NTM: variants seen among roughly 807,000 people sequenced by gnomAD.
NTM encodes neurotrimin.
NTM carries 13 observed loss-of-function variants against 42.1 expected under a neutral mutation model. The ratio of observed to expected loss-of-function variants is 0.31; its 90% confidence interval spans 0.20 to 0.49. The LOEUF (loss-of-function observed/expected upper bound fraction) is 0.49, where lower values mean the gene tolerates loss of function less well. NTM is among the 20% of genes least tolerant of loss of function. NTM has a pLI of 0.99. For missense variants in NTM, 373 were observed against 452.8 expected (o/e 0.82, Z 1.60); for synonymous variants, 187 against 179.2 (o/e 1.04, Z -0.35).
chr11:131,662,353 C>T (rs2068227617), intron 1 of NTM: 1 of 152,242 alleles, frequency 6.6e-6, no homozygotes, highest in Admixed American at 6.5e-5. Context: ...TCCGAAGACA[C>T]TGTGACTCAT....
chr11:132,214,218 A>G (rs1007499522), intron 4 of NTM, among the ~76,000 whole-genome samples: 2 of 152,224 alleles, frequency 1.3e-5, no homozygotes, highest in Non-Finnish European at 2.9e-5. Context: ...AGGAGGGGCC[A>G]TTCAGACAGG....
intron 1 of NTM, among the ~76,000 whole-genome samples, chr11:131,724,329 C>G (rs1432343476): frequency 6.6e-6 from 1 of 152,134 alleles, no homozygotes; most frequent in Non-Finnish European, 1.5e-5. Context: ...AAATGAAAGG[C>G]TTTGAATCAC....
chr11:131,800,833 G>A (rs781411094), intron 1 of NTM, among the ~76,000 whole-genome samples: 8 of 152,168 alleles, frequency 5.3e-5, no homozygotes, highest in Non-Finnish European at 1.2e-4. Context: ...ATTTAGGGGT[G>A]AGCTTGTGTC....
intron 1 of NTM, among the ~76,000 whole-genome samples, chr11:131,814,417 T>C (rs562517256): frequency 6.4e-4 from 97 of 152,296 alleles, no homozygotes; most frequent in Non-Finnish European, 1.3e-3. Flanking sequence ...CCAGATTGTG[T>C]GTCCACACAA....
At chr11:131,489,657 T>A (rs896672044) in intron 1 of NTM, among the ~76,000 whole-genome samples, 3 of 152,218 alleles carry the variant, frequency 2.0e-5, no homozygotes, top group Non-Finnish European at 1.5e-5. Context: ...AAAACTATGC[T>A]GGGGGCCCTT....
intron 4 of NTM, among the ~76,000 whole-genome samples, chr11:132,242,386 C>A (rs1316148218): frequency 6.6e-6 from 1 of 151,934 alleles, no homozygotes; most frequent in Non-Finnish European, 1.5e-5. Flanking sequence ...AAAAATGTTA[C>A]ATTTAGGGGA....
chr11:131,708,198 C>A (rs1450142324), intron 1 of NTM, among the ~76,000 whole-genome samples: 1 of 151,840 alleles, frequency 6.6e-6, no homozygotes, highest in East Asian at 1.9e-4. Flanking sequence ...CCGTTAATAC[C>A]CTTATATATA....
intron 1 of NTM, among the ~76,000 whole-genome samples, chr11:131,524,023 C>T (rs1295513082): frequency 6.6e-6 from 1 of 152,066 alleles, no homozygotes; most frequent in African/African-American, 2.4e-5. Context: ...GGGTAGTGTG[C>T]CTTTGGTCTA....
intron 1 of NTM, chr11:131,910,988 C>A (rs2054795909): frequency 5.0e-6 from 5 of 997,988 alleles, no homozygotes; most frequent in Non-Finnish European, 6.0e-6. Context: ...TTTCCGGTGG[C>A]GAGCCCGGCT....
At chr11:131,862,294 G>A (rs1291186186) in intron 1 of NTM, among the ~76,000 whole-genome samples, 2 of 152,286 alleles carry the variant, frequency 1.3e-5, no homozygotes, top group South Asian at 2.1e-4. Context: ...CCGACTTAAA[G>A]AAGTAATTTT....
intron 4 of NTM, among the ~76,000 whole-genome samples, chr11:132,289,095 T>A (rs2094360012): frequency 6.6e-6 from 1 of 152,234 alleles, no homozygotes; most frequent in South Asian, 2.1e-4. Context: ...GTTTTAAAAG[T>A]GTTCACCTTT....
At chr11:131,428,195 G>C (rs1193720582) in intron 1 of NTM, among the ~76,000 whole-genome samples, 1 of 152,164 alleles carries the variant, frequency 6.6e-6, no homozygotes, top group Non-Finnish European at 1.5e-5. Context: ...GGGATCGATA[G>C]CATCTCAACC....
intron 3 of NTM, among the ~76,000 whole-genome samples, chr11:132,189,301 A>G (rs913736656): frequency 6.6e-6 from 1 of 152,212 alleles, no homozygotes; most frequent in Non-Finnish European, 1.5e-5. Context: ...TTTTTAACCA[A>G]TACTTCAACT....
At chr11:131,535,911 T>C (rs754985615) in intron 1 of NTM, 6 of 152,212 alleles carry the variant, frequency 3.9e-5, no homozygotes, top group South Asian at 2.1e-4. Flanking sequence ...AGGTCTGATA[T>C]CCGTGGAAGA....
intron 4 of NTM, among the ~76,000 whole-genome samples, chr11:132,222,667 A>G (rs1056474394): frequency 1.3e-5 from 2 of 152,126 alleles, no homozygotes; most frequent in African/African-American, 4.8e-5. Context: ...TAGAACCCGG[A>G]GTCCTGAAGA....
intron 1 of NTM, among the ~76,000 whole-genome samples, chr11:131,630,314 A>AC (rs1555057448): frequency 6.7e-6 from 1 of 149,498 alleles, no homozygotes; most frequent in Non-Finnish European, 1.5e-5. Flanking sequence ...TCAAATATAT[A>AC]TTGTTTTCTC....
At chr11:132,161,539 T>C (rs530335480) in intron 3 of NTM, among the ~76,000 whole-genome samples, 22 of 151,868 alleles carry the variant, frequency 1.4e-4, no homozygotes, top group African/African-American at 5.3e-4. Flanking sequence ...GCCAACCCCG[T>C]TTTTCATGTT....
chr11:131,722,555 A>G (rs1388671310), intron 1 of NTM, among the ~76,000 whole-genome samples: 1 of 152,216 alleles, frequency 6.6e-6, no homozygotes, highest in Non-Finnish European at 1.5e-5. Context: ...ATGAAGTTTA[A>G]TCCACTGATG....
At chr11:131,429,544 A>C (rs1325198954) in intron 1 of NTM, among the ~76,000 whole-genome samples, 1 of 152,222 alleles carries the variant, frequency 6.6e-6, no homozygotes, top group Non-Finnish European at 1.5e-5. Flanking sequence ...TAATAAGGAC[A>C]AAAAGTGACA....
Sources: allele counts gnomAD v4.1 joint callset (sites outside exome capture counted in the v4.1 genomes callset), GRCh38; gene constraint gnomAD v4.1.1; transcripts MANE v1.5; gene names NCBI Gene and HGNC (gene_info 2026-07-23, HGNC 2026-07-21).